OR51B5: variants seen among roughly 807,000 people sequenced by gnomAD.
OR51B5 encodes the protein olfactory receptor family 51 subfamily B member 5.
For missense variants in OR51B5, 456 were observed against 374.6 expected (o/e 1.22, Z -1.79); for synonymous variants, 186 against 144.8 (o/e 1.28, Z -2.04).
chr11:5,480,639 G>C (rs1274878275), intron 1 of OR51B5, among the ~76,000 whole-genome samples: 1 of 151,584 alleles, frequency 6.6e-6, no homozygotes, highest in Non-Finnish European at 1.5e-5. Context: ...AAAGACAGAA[G>C]AATCAAATAG....
At chr11:5,382,223 T>C (rs1008840298) in intron 1 of OR51B5, among the ~76,000 whole-genome samples, 2 of 152,210 alleles carry the variant, frequency 1.3e-5, no homozygotes, top group Non-Finnish European at 2.9e-5. Context: ...GAAAATCTTA[T>C]AGTTCTCAAA....
chr11:5,348,607 T>G (rs1385396331), intron 1 of OR51B5, among the ~76,000 whole-genome samples: 3 of 152,100 alleles, frequency 2.0e-5, no homozygotes, highest in Non-Finnish European at 4.4e-5. Flanking sequence ...CTGTGTGACT[T>G]TAGCACCTGG....
chr11:5,450,948 A>G (rs1392584180), intron 1 of OR51B5, among the ~76,000 whole-genome samples: 2 of 152,172 alleles, frequency 1.3e-5, no homozygotes, highest in African/African-American at 2.4e-5. Context: ...AAAAAAGAAA[A>G]AGAGAGAAGA....
Position 5,492,969 on chromosome 11 carries a change from G to A in OR51B5, n.84+12600C>T, listed in dbSNP as rs1417473264. 3.3e-5 allele frequency among the ~76,000 whole-genome samples: 5 copies of A among 152,234 alleles called. No individual in the cohort carries two copies. The South Asian group carries it at 8.3e-4, about 25-fold the overall frequency. On this transcript the variant is annotated intron_variant and non_coding_transcript_variant, in intron 1 of 4. Coordinates refer to the OR51B5 transcript ENST00000415970. ...TTGTTATTTGCTTTAAACAGCAACAGAAACAAAATTAATGTCTTTATCTGG... is the reference window on the plus strand; with the variant it reads ...TTGTTATTTGCTTTAAACAGCAACAAAAACAAAATTAATGTCTTTATCTGG...
intron 1 of OR51B5, among the ~76,000 whole-genome samples, chr11:5,362,392 T>C (rs568389270): frequency 6.6e-6 from 1 of 152,340 alleles, no homozygotes; most frequent in East Asian, 1.9e-4. Context: ...GTAGATCAGA[T>C]GATCAGTCTA....
intron 1 of OR51B5, among the ~76,000 whole-genome samples, chr11:5,460,062 T>C (rs1189038485): frequency 6.6e-6 from 1 of 151,914 alleles, no homozygotes; most frequent in Admixed American, 6.6e-5. Context: ...AATAAAGCCA[T>C]AAAAAATAAG....
intron 1 of OR51B5, chr11:5,352,522 G>A (rs1378372085): frequency 1.1e-6 from 1 of 886,100 alleles, no homozygotes; most frequent in South Asian, 1.6e-5. Flanking sequence ...TAAGTAACTA[G>A]GGAAAGTCAT....
Position 5,468,550 on chromosome 11 carries a change from T to A in OR51B5, n.84+37019A>T, listed in dbSNP as rs766524015. The A allele has an allele frequency of 8.7e-5, 35 of 403,110 alleles. No individual in the cohort carries two copies. The Middle Eastern group carries it at 1.8e-3, about 21-fold the overall frequency. 25.0% of individuals were successfully genotyped at this position (403,110 alleles called of 1,614,324 possible). ...GCGAATCTCCTTAGTCTTGATGGAATAGATAATTGGGTAGAGCATTGGAGG... is the reference window on the plus strand; with the variant it reads ...GCGAATCTCCTTAGTCTTGATGGAAAAGATAATTGGGTAGAGCATTGGAGG... On this transcript the variant is annotated intron_variant and non_coding_transcript_variant, in intron 1 of 4. Transcript: ENST00000415970.
intron 1 of OR51B5, among the ~76,000 whole-genome samples, chr11:5,445,542 C>T (rs1247372514): frequency 6.6e-6 from 1 of 151,936 alleles, no homozygotes; most frequent in Non-Finnish European, 1.5e-5. Context: ...TTATTATCAG[C>T]ACTTATAGTA....
chr11:5,358,111 T>A (rs11826946), intron 1 of OR51B5, among the ~76,000 whole-genome samples: 56,027 of 149,546 alleles, frequency 0.37, 10,691 homozygotes, highest in Non-Finnish European at 0.4. Flanking sequence ...CACATTCAAA[T>A]GCTAGCAGAA....
At chr11:5,446,518 A>G (rs542502653) in intron 1 of OR51B5, among the ~76,000 whole-genome samples, 3 of 152,318 alleles carry the variant, frequency 2.0e-5, no homozygotes, top group South Asian at 2.1e-4. Flanking sequence ...AATACAAGTG[A>G]TATCAATGTC....
At chr11:5,395,820 T>C (rs1325670438) in intron 1 of OR51B5, among the ~76,000 whole-genome samples, 1 of 152,190 alleles carries the variant, frequency 6.6e-6, no homozygotes. Flanking sequence ...CCACTCCAAA[T>C]ACCTTACGCT....
chr11:5,395,869 C>G (rs969601009), intron 1 of OR51B5, among the ~76,000 whole-genome samples: 9 of 152,182 alleles, frequency 5.9e-5, no homozygotes, highest in African/African-American at 2.2e-4. Flanking sequence ...TTTCTTAGAG[C>G]TCACTGCAAC....
chr11:5,433,273 A>G (rs753150987), intron 1 of OR51B5, among the ~76,000 whole-genome samples: 2 of 146,294 alleles, frequency 1.4e-5, no homozygotes, highest in African/African-American at 2.8e-5. Flanking sequence ...CCCAGTCAGA[A>G]GGTTGAAATA....
chr11:5,453,702 G>T, intron 1 of OR51B5: 1 of 1,613,876 alleles, frequency 6.2e-7, no homozygotes, highest in African/African-American at 1.3e-5. Context: ...CAGTGATGTG[G>T]CCATATCCAT....
chr11:5,502,615 G>A (rs1284088228), intron 1 of OR51B5, among the ~76,000 whole-genome samples: 2 of 152,208 alleles, frequency 1.3e-5, no homozygotes, highest in Non-Finnish European at 2.9e-5. Context: ...GAAGAATGTG[G>A]TCTCTAGAAA....
At chr11:5,486,481 T>G (rs1354954493) in intron 1 of OR51B5, among the ~76,000 whole-genome samples, 1 of 31,400 alleles carries the variant, frequency 3.2e-5, no homozygotes, top group African/African-American at 1.1e-4. Flanking sequence ...TGTGGGGGCA[T>G]GTGACACGAA....
intron 1 of OR51B5, chr11:5,423,108 G>A (rs1850382064): frequency 1.2e-6 from 2 of 1,607,760 alleles, no homozygotes; most frequent in African/African-American, 1.3e-5. Flanking sequence ...CAGATCCAAT[G>A]GGGAATGTTA....
At chr11:5,484,649 A>T (rs114559280) in intron 1 of OR51B5, among the ~76,000 whole-genome samples, 15 of 152,256 alleles carry the variant, frequency 9.9e-5, no homozygotes, top group African/African-American at 3.6e-4. Context: ...TCTTCCCAAT[A>T]CTTCTGTCAG....
Sources: allele counts gnomAD v4.1 joint callset (sites outside exome capture counted in the v4.1 genomes callset), GRCh38; gene constraint gnomAD v4.1.1; transcripts MANE v1.5; gene names NCBI Gene and HGNC (gene_info 2026-07-23, HGNC 2026-07-21).